TCF7L1: variants seen among roughly 807,000 people sequenced by gnomAD.
TCF7L1 encodes transcription factor 7-like 1.
In TCF7L1, 18 loss-of-function variants were observed where a neutral mutation model predicts 63.7. The observed-to-expected ratio is 0.28, with a 90% confidence interval of 0.20 to 0.42. The LOEUF is 0.42. TCF7L1 is among the 10% of genes least tolerant of loss of function. The pLI is 1.00. For missense variants in TCF7L1, 654 were observed against 779.3 expected, an observed-to-expected ratio of 0.84 and a Z score of 1.91; for synonymous variants, 355 against 340.9, an observed-to-expected ratio of 1.04 and a Z score of -0.46.
At chr2:85,244,823 G>C (rs1680422399) in intron 3 of TCF7L1, among the ~76,000 whole-genome samples, 1 of 152,102 alleles carries the variant, frequency 6.6e-6, no homozygotes, top group African/African-American at 2.4e-5. Context: ...GAGGTCAAGG[G>C]CTGAGCCGTG....
At position 85,199,601 on chromosome 2, in the gene TCF7L1, G is replaced by A. The variant is rs75316950; in HGVS notation, c.441+65151G>A. 3.9e-3 allele frequency among the ~76,000 whole-genome samples: 588 copies of A among 152,216 alleles called. 3 individuals carry two copies. The highest frequency in any genetic ancestry group is 0.013 in the African/African-American group (534 of 41,516). ...TAATCTCTAGGAAGGAGGTCCAAGC[G>A]TCTGTATGTCTTTAAAAGCTCCCCG... On this transcript the variant is annotated intron_variant, in intron 3 of 11. Transcript: ENST00000282111.
At chr2:85,192,802 G>C (rs1679063890) in intron 3 of TCF7L1, among the ~76,000 whole-genome samples, 1 of 151,564 alleles carries the variant, frequency 6.6e-6, no homozygotes, top group African/African-American at 2.4e-5. Context: ...AGCCTCCCGA[G>C]TAAGTGGGAT....
chr2:85,134,953 G>T lies in TCF7L1; in HGVS notation c.441+503G>T, dbSNP rs1189655265. 6.6e-6 allele frequency among the ~76,000 whole-genome samples: 1 copy of T among 152,144 alleles called. No individual in the cohort carries two copies. Among genetic ancestry groups the T allele is most frequent in the Non-Finnish European group, 1.5e-5 (1 of 68,020 alleles). On this transcript the variant is annotated intron_variant, in intron 3 of 11. Coordinates refer to ENST00000282111, the MANE Select transcript of TCF7L1 (RefSeq NM_031283.3). The surrounding 1 kb of genome is among the most constrained non-coding windows in gnomAD (Gnocchi z 5.0). ...TCCCACCCCCAGCCCTCGCACCGGG[G>T]CCTCAGCTTTTCTGCGGAGCTAGCT...
At chr2:85,168,107 G>A (rs558830122) in intron 3 of TCF7L1, among the ~76,000 whole-genome samples, 7 of 152,048 alleles carry the variant, frequency 4.6e-5, no homozygotes, top group East Asian at 3.9e-4. Context: ...CTGCAGCTCC[G>A]CTGTACAACA....
rs1233732437 is a variant in TCF7L1, at chr2:85,181,613, C to G, written c.441+47163C>G. 2.0e-5 allele frequency among the ~76,000 whole-genome samples: 3 copies of G among 152,090 alleles called. No homozygotes were observed. The East Asian group carries it at 5.8e-4, about 29-fold the overall frequency. On this transcript the variant is annotated intron_variant, in intron 3 of 11. Coordinates refer to ENST00000282111, the MANE Select transcript of TCF7L1 (RefSeq NM_031283.3). ...TTGTAGTTGAATGATCCCAGGGGAG[C>G]AAAAGGCTGGCTGGAGGAGAGGGAG...
chr2:85,261,123 G>GGTGTGTGT lies in TCF7L1; in HGVS notation c.442-22330_442-22323dup, dbSNP rs3223762. Among the ~76,000 whole-genome samples the GGTGTGTGT allele has an allele frequency of 3.8e-3, 401 of 106,740 alleles. 2 individuals are homozygous for GGTGTGTGT. The highest frequency in any genetic ancestry group is 5.5e-3 in the East Asian group (22 of 3,990). 70.0% of individuals were successfully genotyped at this position (106,740 alleles called of 152,430 possible). On this transcript the variant is annotated intron_variant, in intron 3 of 11. Transcript: ENST00000282111. ...TTCAATTACTTCCTCAATTATTGCT[G>GGTGTGTGT]GTGTGTGTGTGTGTGTGTGTGTGTG... is the stretch of plus-strand genomic sequence containing the variant.
intron 3 of TCF7L1, among the ~76,000 whole-genome samples, chr2:85,193,844 G>A (rs919017760): frequency 6.6e-6 from 1 of 152,190 alleles, no homozygotes; most frequent in Admixed American, 6.5e-5. Context: ...TATAGAGAGA[G>A]AGATAAAGTA....
intron 7 of TCF7L1, 128 bp from the exon 8 acceptor site, chr2:85,305,132 C>T (rs2104389660): frequency 7.9e-7 from 1 of 1,273,646 alleles, no homozygotes; most frequent in Non-Finnish European, 1.1e-6. Context: ...AAATAGCCTT[C>T]TAGTCCTGAG....
intron 3 of TCF7L1, among the ~76,000 whole-genome samples, chr2:85,164,132 C>T (rs10186759): frequency 0.14 from 20,995 of 151,930 alleles, 1,788 homozygotes; most frequent in African/African-American, 0.23. Flanking sequence ...TTTCTTTACA[C>T]CCACTCTCAC....
chr2:85,232,369 T>G (rs1680102105), intron 3 of TCF7L1, among the ~76,000 whole-genome samples: 1 of 152,178 alleles, frequency 6.6e-6, no homozygotes, highest in African/African-American at 2.4e-5. Flanking sequence ...TCCTCTGAAC[T>G]TCTACCCTCA....
At chr2:85,270,262 A>T (rs530341585) in intron 3 of TCF7L1, among the ~76,000 whole-genome samples, 1 of 152,290 alleles carries the variant, frequency 6.6e-6, no homozygotes, top group South Asian at 2.1e-4. Context: ...CCCATAGGGG[A>T]AAGTCCGTAA....
In TCF7L1 at chr2:85,306,217, T is replaced by C; in HGVS notation, c.1001T>C (p.Val334Ala). 6.2e-7 allele frequency: 1 copy of C among 1,613,972 alleles called. No individual in the cohort carries two copies. The highest frequency in any genetic ancestry group is 8.5e-7 in the Non-Finnish European group (1 of 1,179,980). The change falls in exon 9 of 12, where the codon GTC becomes GCC. Residue 334 changes from valine (V) to alanine (A), a missense_variant. Transcript: ENST00000282111. The surrounding 1 kb of genome is among the most constrained non-coding windows in gnomAD (Gnocchi z 4.3). ...ACGTGCCTTCCCAGGAAATCACCAGTCACCGTGAAAAAGGAGGAGGAAAAG... is the reference window on the plus strand; with the variant it reads ...ACGTGCCTTCCCAGGAAATCACCAGCCACCGTGAAAAAGGAGGAGGAAAAG... ...LSPAVSVKSP[V>A]TVKKEEEKKP...
chr2:85,144,194 A>G (rs928014523), intron 3 of TCF7L1, among the ~76,000 whole-genome samples: 11 of 152,338 alleles, frequency 7.2e-5, no homozygotes, highest in African/African-American at 2.6e-4. Flanking sequence ...AAAATATTTT[A>G]TAAATTGGTT....
At chr2:85,175,536 C>T (rs1461911712) in intron 3 of TCF7L1, among the ~76,000 whole-genome samples, 3 of 152,112 alleles carry the variant, frequency 2.0e-5, no homozygotes, top group Non-Finnish European at 2.9e-5. Context: ...GTGGGTGCAA[C>T]TTGAGATAAG....
intron 3 of TCF7L1, among the ~76,000 whole-genome samples, chr2:85,216,455 A>C (rs974666064): frequency 1.3e-5 from 2 of 152,184 alleles, no homozygotes; most frequent in Non-Finnish European, 2.9e-5. Flanking sequence ...ATGGATTCCA[A>C]ACAACTTCCA....
chr2:85,256,015 A>T (rs1220180836), intron 3 of TCF7L1, among the ~76,000 whole-genome samples: 1 of 152,202 alleles, frequency 6.6e-6, no homozygotes, highest in Non-Finnish European at 1.5e-5. Context: ...GTTAATGTGC[A>T]AACAGCGGGG....
At chr2:85,282,895 G>A (rs7598047) in intron 3 of TCF7L1, among the ~76,000 whole-genome samples, 30,801 of 149,614 alleles carry the variant, frequency 0.21, 4,939 homozygotes, top group African/African-American at 0.44. Flanking sequence ...AGAAAGAATG[G>A]GGTGCTGGGT....
Position 85,171,955 on chromosome 2 carries a change from G to A in TCF7L1, c.441+37505G>A, listed in dbSNP as rs188749738. ...CCCCACACTGCCCTAAACACATCCCGGGTTACTGCCTGAGTCCTCGTAGAC... is the reference window on the plus strand; with the variant it reads ...CCCCACACTGCCCTAAACACATCCCAGGTTACTGCCTGAGTCCTCGTAGAC... On this transcript the variant is annotated intron_variant, in intron 3 of 11. Coordinates refer to ENST00000282111, the MANE Select transcript of TCF7L1 (RefSeq NM_031283.3). Among the ~76,000 whole-genome samples, 13 of 151,802 alleles carry A rather than the reference G, an allele frequency of 8.6e-5. No individual in the cohort carries two copies. The East Asian group carries it at 2.5e-3, about 29-fold the overall frequency.
chr2:85,139,471 A>G (rs778632308), intron 3 of TCF7L1, among the ~76,000 whole-genome samples: 6 of 152,226 alleles, frequency 3.9e-5, no homozygotes, highest in Non-Finnish European at 8.8e-5. Context: ...TCATGGTAGC[A>G]CTGTAATAAG....
Sources: gnomAD v4.1 joint callset for allele counts (sites outside exome capture counted in the v4.1 genomes callset) on GRCh38, gnomAD v4.1.1 for gene constraint, Gnocchi (gnomAD v3.1) non-coding constraint, MANE v1.5 for transcripts, NCBI Gene and HGNC (gene_info 2026-07-23, HGNC 2026-07-21) for gene names.